The following COL4A6 variants were observed in gnomAD, a reference collection of about 807,000 sequenced individuals.
COL4A6 encodes collagen type IV alpha 6 chain, also known as collagen alpha-6(IV) chain.
A neutral mutation model predicts 126.7 loss-of-function variants in COL4A6; 59 were observed. The ratio of observed to expected loss-of-function variants is 0.47; its 90% CI spans 0.38 to 0.58. COL4A6 has a LOEUF of 0.58. COL4A6 is among the 20% of genes least tolerant of loss of function. COL4A6 has a pLI of 0.00. For synonymous variants in COL4A6, 547 were observed against 496.6 expected (o/e 1.10, Z -1.35); for missense variants, 1,285 against 1,337.3 (o/e 0.96, Z 0.61).
At chrX:108,283,294 T>C (rs1325409807) in intron 3 of COL4A6, among the ~76,000 whole-genome samples, 1 of 111,766 alleles carries the variant, frequency 8.9e-6, no homozygotes, top group Non-Finnish European at 1.9e-5. Context: ...TAACTAAAGG[T>C]CCTTTCCAAC....
In COL4A6 at chrX:108,175,401, A is replaced by T. The variant is rs193289117; in HGVS notation, c.2831-186T>A. 2.8e-4 allele frequency among the ~76,000 whole-genome samples: 31 copies of T among 111,211 alleles called. No homozygotes were observed. The Admixed American group carries it at 3.0e-3, about 11-fold the overall frequency. The stretch of plus-strand genomic sequence containing the variant: ...GTCCTCTTCTACAAATCCCAAGTCT[A>T]TCAGCAACTTTAGACTCTCCTCAAA... On this transcript the variant is annotated intron_variant, in intron 29 of 44. Transcript: ENST00000334504.
intron 2 of COL4A6, among the ~76,000 whole-genome samples, chrX:108,437,270 C>A (rs1179805292): frequency 8.9e-6 from 1 of 112,070 alleles, no homozygotes; most frequent in Non-Finnish European, 1.9e-5. Context: ...TCAGAAATTT[C>A]TTTACCTGCA....
intron 3 of COL4A6, among the ~76,000 whole-genome samples, chrX:108,225,332 C>G (rs1032485884): frequency 3.5e-5 from 4 of 112,721 alleles, no homozygotes; most frequent in Non-Finnish European, 1.9e-5. Context: ...AACACCATCA[C>G]TGTTTGGACA....
intron 2 of COL4A6, among the ~76,000 whole-genome samples, chrX:108,323,149 G>A (rs2039069465): frequency 8.9e-6 from 1 of 111,888 alleles, no homozygotes; most frequent in South Asian, 3.8e-4. Context: ...TTCCAAAGTA[G>A]GAGGGGAAAG....
intron 3 of COL4A6, among the ~76,000 whole-genome samples, chrX:108,223,608 A>T: frequency 9.0e-6 from 1 of 111,616 alleles, no homozygotes; most frequent in East Asian, 2.8e-4. Context: ...GGGCCTGGAA[A>T]GCACCGCAGA....
At chrX:108,417,773 T>C (rs1047307528) in intron 2 of COL4A6, among the ~76,000 whole-genome samples, 1 of 112,208 alleles carries the variant, frequency 8.9e-6, no homozygotes, top group Admixed American at 9.5e-5. Context: ...ACCATACATG[T>C]ATTTTGTTTC....
chrX:108,170,471 C>A, intron 35 of COL4A6, 138 bp downstream of exon 35: 1 of 556,741 alleles, frequency 1.8e-6, no homozygotes. Context: ...TCTTCATCTT[C>A]CTTTCCCATG....
At chrX:108,205,620 G>A (rs1288043187) in intron 10 of COL4A6, 40 bp downstream of exon 10, 1 of 1,189,317 alleles carries the variant, frequency 8.4e-7, no homozygotes, top group Non-Finnish European at 1.1e-6. Flanking sequence ...AGAGTACTTA[G>A]GAGTAGGAAG....
At chrX:108,418,215 A>G (rs1222011044) in intron 2 of COL4A6, among the ~76,000 whole-genome samples, 8 of 112,017 alleles carry the variant, frequency 7.1e-5, no homozygotes, top group Admixed American at 5.7e-4. Flanking sequence ...AAATTGGTTG[A>G]TATCTGTGGC....
At chrX:108,350,625 C>T (rs1346286872) in intron 2 of COL4A6, among the ~76,000 whole-genome samples, 1 of 111,510 alleles carries the variant, frequency 9.0e-6, no homozygotes, top group Non-Finnish European at 1.9e-5. Flanking sequence ...TGGGTAGTGA[C>T]AATATAAGTG....
At chrX:108,229,823 G>C (rs901525555) in intron 3 of COL4A6, among the ~76,000 whole-genome samples, 16 of 111,798 alleles carry the variant, frequency 1.4e-4, no homozygotes, top group African/African-American at 4.9e-4. Context: ...AGCAAGACTG[G>C]AGACAGGGAA....
chrX:108,426,464 G>T (rs926698924), intron 2 of COL4A6, among the ~76,000 whole-genome samples: 7 of 111,902 alleles, frequency 6.3e-5, no homozygotes, highest in African/African-American at 2.3e-4. Context: ...GTTAGACAAA[G>T]GGGAACTGGG....
rs758173586 is a variant in COL4A6 at position 108,262,063 on chromosome X, TG to T, written c.145-40690del. 2.7e-5 allele frequency among the ~76,000 whole-genome samples: 3 copies of T among 111,817 alleles called. No homozygotes were observed. The Admixed American group carries it at 2.8e-4, about 11-fold the overall frequency. ...GGGATTTGTTGGGTCCTGTTTTCCA[TG>T]GGGGTAAAGGAAATGATCTTGTTTA... is the stretch of plus-strand genomic sequence containing the variant. On this transcript the variant is annotated intron_variant, in intron 3 of 44. Transcript: ENST00000334504.
chrX:108,276,781 T>C (rs780188495), intron 3 of COL4A6, among the ~76,000 whole-genome samples: 2 of 112,035 alleles, frequency 1.8e-5, no homozygotes, highest in East Asian at 2.8e-4. Flanking sequence ...TGTTTGCTGC[T>C]TGGCTGCTAG....
At chrX:108,301,829 T>G (rs780577403) in intron 3 of COL4A6, among the ~76,000 whole-genome samples, 1 of 111,902 alleles carries the variant, frequency 8.9e-6, no homozygotes, top group Non-Finnish European at 1.9e-5. Flanking sequence ...ATTTTATTAT[T>G]TTATAAGTTC....
intron 2 of COL4A6, among the ~76,000 whole-genome samples, chrX:108,371,037 T>G (rs1184046201): frequency 1.8e-5 from 2 of 110,256 alleles, no homozygotes; most frequent in Admixed American, 9.7e-5. Context: ...TCCTGATACC[T>G]TTGGAGAAAT....
At chrX:108,392,136 C>T (rs937380528) in intron 2 of COL4A6, among the ~76,000 whole-genome samples, 1 of 111,675 alleles carries the variant, frequency 9.0e-6, no homozygotes, top group Non-Finnish European at 1.9e-5. Context: ...GATCAAAGCC[C>T]TAAATGTAAG....
At chrX:108,408,169 A>G (rs765465753) in intron 2 of COL4A6, among the ~76,000 whole-genome samples, 4 of 110,892 alleles carry the variant, frequency 3.6e-5, no homozygotes, top group Non-Finnish European at 7.6e-5. Flanking sequence ...AAATTAGCCA[A>G]GTGTGGTGGC....
chrX:108,370,205 T>C (rs1225094542), intron 2 of COL4A6, among the ~76,000 whole-genome samples: 1 of 112,356 alleles, frequency 8.9e-6, no homozygotes, highest in Non-Finnish European at 1.9e-5. Flanking sequence ...TGGTTTGTGT[T>C]GATGGTTTTT....
Sources: gnomAD v4.1 joint callset for allele counts (sites outside exome capture counted in the v4.1 genomes callset) on GRCh38, gnomAD v4.1.1 for gene constraint, MANE v1.5 for transcripts, NCBI Gene and HGNC (gene_info 2026-07-23, HGNC 2026-07-21) for gene names.